Variants in CHADL observed in about 807,000 individuals in gnomAD.
CHADL encodes chondroadherin-like protein.
In CHADL, 48 loss-of-function variants were observed where a neutral mutation model predicts 52.1. The observed-to-expected ratio is 0.92, with a 90% CI of 0.73 to 1.17. The LOEUF (loss-of-function observed/expected upper bound fraction) is 1.17. CHADL is among the 50% of genes most tolerant of loss of function. The pLI, the probability that CHADL is intolerant of heterozygous loss-of-function variation, is 0.00. For synonymous variants in CHADL, 498 were observed against 511.2 expected (o/e 0.97, Z 0.35); for missense variants, 977 against 1,035.1 (o/e 0.94, Z 0.77).
chr22:41,240,752 C>T, intron 1 of CHADL, 122 bp downstream of exon 1: 4 of 1,194,082 alleles, frequency 3.3e-6, no homozygotes, highest in Non-Finnish European at 3.6e-6. Context: ...CCTGGAGAAC[C>T]CCAGGAAGTC....
chr22:41,234,216 G>A (rs1425548530), intron 5 of CHADL, among the ~76,000 whole-genome samples: 2 of 152,122 alleles, frequency 1.3e-5, no homozygotes, highest in Non-Finnish European at 2.9e-5. Flanking sequence ...CAGCAGGACC[G>A]ATTTTAGGGA....
At position 41,237,219 on chromosome 22, in the gene CHADL, C is replaced by G; in HGVS notation, c.1853G>C (p.Arg618Thr). 1 of 1,549,418 alleles carries G rather than the reference C, an allele frequency of 6.5e-7. No homozygotes were observed. The highest frequency in any genetic ancestry group is 8.7e-7 in the Non-Finnish European group (1 of 1,146,220). Reference sequence around the variant, plus strand: ...GTTCAGGAAGAGGTGCTGCAGCGACCTGCCCACAGGCTGGAAGGCTCCGTC... The same window carrying G: ...GTTCAGGAAGAGGTGCTGCAGCGACGTGCCCACAGGCTGGAAGGCTCCGTC... ...LRDGAFQPVG[R>T]SLQHLFLNSS... is the part of the protein sequence containing the mutation. The change falls in exon 3 of 6, where the codon AGG (arginine) becomes ACG (threonine). Residue 618 changes from arginine to threonine, a missense_variant. Coordinates refer to ENST00000216241, the MANE Select transcript of CHADL (RefSeq NM_138481.2).
chr22:41,237,790 G>A lies in CHADL; in HGVS notation c.1282C>T (p.Gln428Ter). 6.6e-7 allele frequency: 1 copy of A among 1,513,806 alleles called. No individual in the cohort carries two copies. Among genetic ancestry groups the A allele is most frequent in the Admixed American group, 2.2e-5 (1 of 45,326 alleles). The allele number at this position is 1,513,806 out of a possible 1,614,324, so 93.8% of individuals were successfully genotyped here. ...AVPRGFPSDT[Q>*]LLDLRRNHFP... is the part of the protein sequence containing the mutation. ...TGGTTCCGCCTCAGGTCCAGGAGCTGGGTGTCGCTGGGGAAGCCGCGGGGC... is the reference window on the plus strand; with the variant it reads ...TGGTTCCGCCTCAGGTCCAGGAGCTAGGTGTCGCTGGGGAAGCCGCGGGGC... Residue 428 changes from glutamine to a stop codon, truncating the protein, a stop_gained, in exon 3 of 6, where the codon CAG becomes TAG. Transcript: ENST00000216241. LOFTEE classifies it high-confidence loss of function.
At position 41,230,642 on chromosome 22, in the gene CHADL, C is replaced by CT. The variant is rs1446537793; in HGVS notation, c.2263-913dup. The CT allele has an allele frequency of 2.4e-5, 5 of 210,376 alleles. No individual in the cohort carries two copies. The South Asian group carries it at 3.7e-4, about 16-fold the overall frequency. 13.0% of individuals were successfully genotyped at this position (210,376 alleles called of 1,614,324 possible). A position where few individuals can be genotyped will look rare whatever the true frequency, so the allele number is the denominator to read the frequency against. On this transcript the variant is annotated intron_variant, in intron 5 of 5. Coordinates refer to ENST00000216241, the MANE Select transcript of CHADL (RefSeq NM_138481.2). ...ACTGTGGAATACAAGACAGTGAACT[C>CT]TGTCTGCCTGAACGAGCCATGTAAA... is the stretch of plus-strand genomic sequence containing the variant.
intron 5 of CHADL, among the ~76,000 whole-genome samples, chr22:41,234,699 G>A (rs188152992): frequency 6.6e-5 from 10 of 152,182 alleles, no homozygotes; most frequent in Non-Finnish European, 7.4e-5. Flanking sequence ...GACTACAAGC[G>A]CCCACCACCA....
At chr22:41,236,993 G>C (rs1315890190) in intron 3 of CHADL, among the ~76,000 whole-genome samples, 183 bp downstream of exon 3, 1 of 152,222 alleles carries the variant, frequency 6.6e-6, no homozygotes, top group Admixed American at 6.5e-5. Flanking sequence ...CACCGTGTGT[G>C]GCCTGGGTTC....
chr22:41,238,133 C>T lies in CHADL; in HGVS notation c.939G>A (p.Trp313Ter). Residue 313 changes from tryptophan (W) to a stop codon, truncating the protein, a stop_gained, in exon 3 of 6, where the codon TGG becomes TGA. Coordinates refer to ENST00000216241, the MANE Select transcript of CHADL (RefSeq NM_138481.2). LOFTEE classifies it high-confidence loss of function. The surrounding 1 kb of genome is among the most constrained non-coding windows in gnomAD (Gnocchi z 4.9). ...RRLRLQGNPLWCGCQARPLLE... is the reference protein window; with the variant it reads ...RRLRLQGNPL ...GTAGGGGCCGCGCCTGGCAGCCGCA[C>T]CACAGCGGATTCCCCTGCAGCCGCA... The T allele has an allele frequency of 7.1e-7, 1 of 1,400,244 alleles. No individual in the cohort carries two copies. The highest frequency in any genetic ancestry group is 9.2e-7 in the Non-Finnish European group (1 of 1,084,312). 86.7% of individuals were successfully genotyped at this position (1,400,244 alleles called of 1,614,324 possible).
intron 1 of CHADL, 168 bp downstream of exon 1, chr22:41,240,706 C>T: frequency 1.4e-6 from 1 of 709,408 alleles, no homozygotes; most frequent in Non-Finnish European, 2.3e-6. Flanking sequence ...GGCCACATTG[C>T]CACGTGTCTC....
intron 5 of CHADL, among the ~76,000 whole-genome samples, chr22:41,232,936 C>T (rs1199759325): frequency 1.3e-5 from 2 of 152,100 alleles, no homozygotes; most frequent in Non-Finnish European, 2.9e-5. Flanking sequence ...GCTTCCAAGG[C>T]AGAACTTGCT....
chr22:41,240,160 T>A (rs1286873754), intron 1 of CHADL, among the ~76,000 whole-genome samples: 1 of 152,202 alleles, frequency 6.6e-6, no homozygotes, highest in Non-Finnish European at 1.5e-5. Flanking sequence ...TGACTATGGC[T>A]TACTGCAGCC....
At position 41,235,285 on chromosome 22, in the gene CHADL, G is replaced by C; in HGVS notation, c.2122C>G (p.Arg708Gly). ...GATCATPPNA[R>G]GQRVKAAAAV... ...GCTGCAGCCTTCACCCTCTGGCCAC[G>C]GGCATTGGGAGGGGTGGCGCAGGTG... is the stretch of plus-strand genomic sequence containing the variant. Residue 708 changes from arginine (R) to glycine (G), a missense_variant, in exon 5 of 6, where the codon CGT (arginine) becomes GGT (glycine). By Grantham distance (125) the Arg-to-Gly change is moderately radical. Coordinates refer to ENST00000216241, the MANE Select transcript of CHADL (RefSeq NM_138481.2). 3 of 1,551,252 alleles carry C rather than the reference G, an allele frequency of 1.9e-6. No homozygotes were observed. Among genetic ancestry groups the C allele is most frequent in the Non-Finnish European group, 2.6e-6 (3 of 1,147,000 alleles).
chr22:41,232,128 C>G (rs8135045), intron 5 of CHADL, among the ~76,000 whole-genome samples: 24,965 of 151,414 alleles, frequency 0.16, 2,163 homozygotes, highest in African/African-American at 0.19. Flanking sequence ...GTCAGGAGAT[C>G]GAGACCATCC....
In CHADL at chr22:41,238,548, G is replaced by A. The variant is rs1312384082; in HGVS notation, c.524C>T (p.Ala175Val). The A allele has an allele frequency of 6.5e-7, 1 of 1,546,010 alleles. No homozygotes were observed. Among genetic ancestry groups the A allele is most frequent in the South Asian group, 1.2e-5 (1 of 84,020 alleles). ...LAHNALVYLP[A>V]MAFQGLLRVR... ...GCGCAGTAGCCCCTGGAAGGCCATG[G>A]CGGGCAGGTAAACCAGGGCGTTGTG... Residue 175 changes from alanine to valine, a missense_variant, in exon 3 of 6, where the codon GCC (alanine) becomes GTC (valine). By Grantham distance (64) the Ala-to-Val change is moderately conservative. Coordinates refer to ENST00000216241, the MANE Select transcript of CHADL (RefSeq NM_138481.2). The surrounding 1 kb of genome is among the most constrained non-coding windows in gnomAD (Gnocchi z 4.9).
At chr22:41,231,981 G>A (rs1196608656) in intron 5 of CHADL, among the ~76,000 whole-genome samples, 1 of 152,184 alleles carries the variant, frequency 6.6e-6, no homozygotes, top group Non-Finnish European at 1.5e-5. Context: ...CAGTAACCCT[G>A]TGCAGTACTG....
At position 41,236,636 on chromosome 22, in the gene CHADL, G is replaced by T. The variant is rs1392544440; in HGVS notation, c.1911C>A (p.Ala637=). 1.3e-6 allele frequency: 2 copies of T among 1,549,172 alleles called. No individual in the cohort carries two copies. The highest frequency in any genetic ancestry group is 2.4e-5 in the East Asian group (1 of 40,928). ...SSGLEQICPG[A]FSGLGPGLQS... is the part of the protein sequence containing the mutation. Reference sequence around the variant, plus strand: ...GGAGCCCGGGCCCCAGGCCTGAAAAGGCCCCAGGACAAATCTGCAAGGAGT... The same window carrying T: ...GGAGCCCGGGCCCCAGGCCTGAAAATGCCCCAGGACAAATCTGCAAGGAGT... The change falls in exon 4 of 6, where the codon GCC becomes GCA. Residue 637 remains alanine, a synonymous_variant. Coordinates refer to ENST00000216241, the MANE Select transcript of CHADL (RefSeq NM_138481.2).
intron 5 of CHADL, chr22:41,230,446 G>C: frequency 3.4e-6 from 2 of 583,610 alleles, no homozygotes; most frequent in African/African-American, 3.8e-5. Flanking sequence ...GCCCTCCCCT[G>C]TGGAAAGGTC....
chr22:41,229,849 C>T (rs1322356042), intron 5 of CHADL, 119 bp from the exon 6 acceptor site: 4 of 935,370 alleles, frequency 4.3e-6, no homozygotes, highest in South Asian at 1.4e-5. Flanking sequence ...GAGCTGAGTC[C>T]CCCTCTAGCC....
In CHADL at chr22:41,238,465, C is replaced by T; in HGVS notation, c.607G>A (p.Ala203Thr). The T allele has an allele frequency of 6.5e-7, 1 of 1,531,044 alleles. No individual in the cohort carries two copies. Among genetic ancestry groups the T allele is most frequent in the Non-Finnish European group, 8.8e-7 (1 of 1,141,106 alleles). The allele number at this position is 1,531,044 out of a possible 1,614,324, so 94.8% of individuals were successfully genotyped here. The change falls in exon 3 of 6, where the codon GCT becomes ACT. Residue 203 changes from alanine (A) to threonine (T), a missense_variant. Physicochemically the swap from Ala to Thr is moderately conservative, Grantham distance 58. Transcript: ENST00000216241. The surrounding 1 kb of genome is among the most constrained non-coding windows in gnomAD (Gnocchi z 4.9). ...ALSVLAPEALAGLPALRRLSL... is the reference protein window; with the variant it reads ...ALSVLAPEALTGLPALRRLSL... ...AGCCGTCTCAGGGCGGGCAGGCCAG[C>T]CAGGGCCTCGGGGGCCAGCACGCTG...
At position 41,238,919 on chromosome 22, in the gene CHADL, A is replaced by G. The variant is rs779411006; in HGVS notation, c.187-34T>C. On this transcript the variant is annotated intron_variant, in intron 2 of 5. Transcript: ENST00000216241. The surrounding 1 kb of genome is among the most constrained non-coding windows in gnomAD (Gnocchi z 4.9). The stretch of plus-strand genomic sequence containing the variant: ...AGCGAGGAGAAAGTGGGGCTGAGCC[A>G]GGCAGGGACCCCGCCTTTGCAAGTG... 2.7e-6 allele frequency: 4 copies of G among 1,502,682 alleles called. No homozygotes were observed. The South Asian group carries it at 3.8e-5, about 14-fold the overall frequency. 93.1% of individuals were successfully genotyped at this position (1,502,682 alleles called of 1,614,324 possible).
Sources: allele counts gnomAD v4.1 joint callset (sites outside exome capture counted in the v4.1 genomes callset), GRCh38; gene constraint gnomAD v4.1.1; non-coding constraint Gnocchi (gnomAD v3.1); transcripts MANE v1.5; gene names NCBI Gene and HGNC (gene_info 2026-07-23, HGNC 2026-07-21).